Variants in ZNF589 observed in about 807,000 individuals in gnomAD.
The protein encoded by ZNF589 is zinc finger protein 589.
A neutral mutation model predicts 13.6 loss-of-function variants in ZNF589; 17 were observed. The observed-to-expected ratio is 1.25, with a 90% CI of 0.86 to 1.88. The LOEUF (loss-of-function observed/expected upper bound fraction) is 1.88, where lower values mean the gene tolerates loss of function less well. Ranked by LOEUF, ZNF589 falls within the 40% of genes most tolerant of loss-of-function variation. The pLI is 0.00. For missense variants in ZNF589, 407 were observed against 434.0 expected (o/e 0.94, Z 0.55); for synonymous variants, 148 against 161.6 (o/e 0.92, Z 0.64).
Position 48,267,942 on chromosome 3 carries a change from G to T in ZNF589, c.251G>T (p.Cys84Phe). 1 of 1,611,910 alleles carries T rather than the reference G, an allele frequency of 6.2e-7. No individual in the cohort carries two copies. The highest frequency in any genetic ancestry group is 8.5e-7 in the Non-Finnish European group (1 of 1,179,940). The change falls in exon 4 of 4, where the codon TGC (cysteine) becomes TTC (phenylalanine). Residue 84 changes from cysteine (C) to phenylalanine (F), a missense_variant. Physicochemically the swap from Cys to Phe is radical, Grantham distance 205. Transcript: ENST00000354698. ...GAATCAAAGCCAGAAGTCCATACCT[G>T]CCCTTCTTGCCCTCTGGCCTTTGGC... ...LAESKPEVHTCPSCPLAFGSQ... is the reference protein window; with the variant it reads ...LAESKPEVHTFPSCPLAFGSQ...
chr3:48,247,777 T>A, intron 2 of ZNF589, 100 bp downstream of exon 2: 3 of 1,354,666 alleles, frequency 2.2e-6, no homozygotes, highest in Non-Finnish European at 2.1e-6. Context: ...GATTAACATT[T>A]AAGTGGTTTA....
chr3:48,243,067 T>TAA (rs1316258685), intron 1 of ZNF589, among the ~76,000 whole-genome samples: 1 of 141,508 alleles, frequency 7.1e-6, no homozygotes, highest in African/African-American at 2.6e-5. Flanking sequence ...AATGAGACTC[T>TAA]AAAAAAAAAA....
Position 48,269,119 on chromosome 3 carries a change from G to C in ZNF589, c.*333G>C, listed in dbSNP as rs2034059840. 1 of 692,032 alleles carries C rather than the reference G, an allele frequency of 1.4e-6. No individual in the cohort carries two copies. Among genetic ancestry groups the C allele is most frequent in the Non-Finnish European group, 2.5e-6 (1 of 407,706 alleles). 42.9% of individuals were successfully genotyped at this position (692,032 alleles called of 1,614,324 possible). On this transcript the variant is annotated 3_prime_UTR_variant, in exon 4 of 4. Coordinates refer to ENST00000354698, the MANE Select transcript of ZNF589 (RefSeq NM_016089.3). ...GAGAGAAGCCTTACACGTGCTTTGAGTGTGGGCGAAACTTTAGCCTCAAGT... is the reference window on the plus strand; with the variant it reads ...GAGAGAAGCCTTACACGTGCTTTGACTGTGGGCGAAACTTTAGCCTCAAGT...
intron 2 of ZNF589, among the ~76,000 whole-genome samples, chr3:48,253,574 G>A (rs191328296): frequency 4.5e-4 from 65 of 145,888 alleles, no homozygotes; most frequent in Admixed American, 2.9e-3. Context: ...ATCTCGGCTC[G>A]CTGCAAGCTC....
chr3:48,264,771 G>A (rs1039888717), intron 3 of ZNF589, among the ~76,000 whole-genome samples: 23 of 151,810 alleles, frequency 1.5e-4, no homozygotes, highest in African/African-American at 2.2e-4. Flanking sequence ...AGAGGTTGCA[G>A]TGAGCCAGGA....
rs2034064375 is a variant in ZNF589, at chr3:48,269,399, ACTCTC to A, written c.*617_*621del. 2.0e-6 allele frequency: 1 copy of A among 490,370 alleles called. No individual in the cohort carries two copies. The highest frequency in any genetic ancestry group is 3.5e-6 in the Non-Finnish European group (1 of 282,098). 30.4% of individuals were successfully genotyped at this position (490,370 alleles called of 1,614,324 possible). A position where few individuals can be genotyped will look rare whatever the true frequency, so the allele number is the denominator to read the frequency against. ...TGGGCGAGGCTTTTGTGATAAATCAACTCTCCTCGCACACGAGCAGACACATTCAG... is the reference window on the plus strand; with the variant it reads ...TGGGCGAGGCTTTTGTGATAAATCAACTCGCACACGAGCAGACACATTCAG... On this transcript the variant is annotated 3_prime_UTR_variant, in exon 4 of 4. Transcript: ENST00000354698.
intron 1 of ZNF589, among the ~76,000 whole-genome samples, chr3:48,245,492 AC>A (rs1471317687): frequency 6.6e-6 from 1 of 152,036 alleles, no homozygotes; most frequent in Non-Finnish European, 1.5e-5. Flanking sequence ...TGCTGCTAAG[AC>A]CCTCGTCCCC....
rs570454588 is a variant in ZNF589, at chr3:48,268,684, G to A, written c.993G>A (p.Ser331=). 4.3e-6 allele frequency: 7 copies of A among 1,611,920 alleles called. No homozygotes were observed. Among genetic ancestry groups the A allele is most frequent in the African/African-American group, 4.0e-5 (3 of 74,226 alleles). Residue 331 remains serine, a synonymous_variant, in exon 4 of 4, where the codon TCG becomes TCA. Transcript: ENST00000354698. ...AGAGGACACACACAAGGGAGAAATC[G>A]TTTATGTGCACAGTGTGTGGGCGAG... The part of the protein sequence containing the change: ...RHQRTHTREK[S]FMCTVCGRGF...
In ZNF589 at chr3:48,244,213, G is replaced by C. The variant is rs1477361425; in HGVS notation, c.43+2999G>C. Among the ~76,000 whole-genome samples the C allele has an allele frequency of 5.3e-5, 8 of 152,138 alleles. No homozygotes were observed. The South Asian group carries it at 1.0e-3, about 20-fold the overall frequency. ...CCTCTGGAAGGGAGAGGCTTAGATG[G>C]TCTTTTTTGCTGAAAAGACTGAGGA... is the stretch of plus-strand genomic sequence containing the variant. On this transcript the variant is annotated intron_variant, in intron 1 of 3. Coordinates refer to ENST00000354698, the MANE Select transcript of ZNF589 (RefSeq NM_016089.3).
chr3:48,268,725 C>A lies in ZNF589; in HGVS notation c.1034C>A (p.Ser345Ter), dbSNP rs747686706. 6.2e-7 allele frequency: 1 copy of A among 1,614,156 alleles called. No homozygotes were observed. The highest frequency in any genetic ancestry group is 2.2e-5 in the East Asian group (1 of 44,888). ...TVCGRGFREK[S>*]ELIKHQRIHT... ...TGTGGGCGAGGCTTTCGTGAAAAGT[C>A]AGAGCTCATTAAGCACCAGAGAATT... is the stretch of plus-strand genomic sequence containing the variant. The change falls in exon 4 of 4, where the codon TCA (serine) becomes TAA (stop). Residue 345 changes from serine (S) to a stop codon, truncating the protein, a stop_gained. Coordinates refer to ENST00000354698, the MANE Select transcript of ZNF589 (RefSeq NM_016089.3). LOFTEE classifies it low-confidence loss of function (END_TRUNC).
Position 48,268,980 on chromosome 3 carries a change from C to A in ZNF589, c.*194C>A. On this transcript the variant is annotated 3_prime_UTR_variant, in exon 4 of 4. Coordinates refer to ENST00000354698, the MANE Select transcript of ZNF589 (RefSeq NM_016089.3). ...GGGCATGGATTTAGCCAGAAGTCGT[C>A]GCTCAAATCACATCGGAGAACACAC... 2.4e-6 allele frequency: 2 copies of A among 837,664 alleles called. No individual in the cohort carries two copies. The highest frequency in any genetic ancestry group is 2.5e-5 in the East Asian group (1 of 39,608). 51.9% of individuals were successfully genotyped at this position (837,664 alleles called of 1,614,324 possible).
intron 2 of ZNF589, chr3:48,256,542 G>C: frequency 1.5e-6 from 1 of 654,554 alleles, no homozygotes; most frequent in Non-Finnish European, 2.8e-6. Context: ...GGAAGCTGAG[G>C]CCTGTGATTT....
rs1339004892 is a variant in ZNF589, at chr3:48,268,930, G to T, written c.*144G>T. 3.3e-6 allele frequency: 4 copies of T among 1,201,084 alleles called. No individual in the cohort carries two copies. Among genetic ancestry groups the T allele is most frequent in the Admixed American group, 4.8e-5 (2 of 41,496 alleles). The allele number at this position is 1,201,084 out of a possible 1,614,324, so 74.4% of individuals were successfully genotyped here. On this transcript the variant is annotated 3_prime_UTR_variant, in exon 4 of 4. Transcript: ENST00000354698. ...TACACCAGTGGACACATTCAGAGGTGAAACCTCACGTGTGTGAGGAGTGTG... is the reference window on the plus strand; with the variant it reads ...TACACCAGTGGACACATTCAGAGGTTAAACCTCACGTGTGTGAGGAGTGTG...
chr3:48,263,681 C>A (rs543195826), intron 3 of ZNF589, among the ~76,000 whole-genome samples: 1 of 152,282 alleles, frequency 6.6e-6, no homozygotes, highest in South Asian at 2.1e-4. Flanking sequence ...ATCGCTTGAA[C>A]CCCGGAGGCG....
intron 1 of ZNF589, among the ~76,000 whole-genome samples, chr3:48,247,032 G>A (rs1182051054): frequency 2.6e-5 from 4 of 151,870 alleles, no homozygotes; most frequent in African/African-American, 4.8e-5. Flanking sequence ...GTGCAGTGGC[G>A]TGATCTCTGC....
At chr3:48,260,971 A>C in intron 3 of ZNF589, 32 bp downstream of exon 3, 1 of 1,612,724 alleles carries the variant, frequency 6.2e-7, no homozygotes. Flanking sequence ...TCATTTTTCC[A>C]TTCAAGTATT....
chr3:48,267,809 A>G, intron 3 of ZNF589, 106 bp from the exon 4 acceptor site: 2 of 1,202,040 alleles, frequency 1.7e-6, no homozygotes, highest in Non-Finnish European at 2.3e-6. Flanking sequence ...CTTGGGGAGA[A>G]AGACTTTAAT....
At position 48,241,105 on chromosome 3, in the gene ZNF589, C is replaced by T; in HGVS notation, c.-67C>T. 6.3e-7 allele frequency: 1 copy of T among 1,599,654 alleles called. No individual in the cohort carries two copies. Among genetic ancestry groups the T allele is most frequent in the East Asian group, 2.2e-5 (1 of 44,748 alleles). The stretch of plus-strand genomic sequence containing the variant: ...CTGGCGCCGCCAGTGGCCCGCGGTG[C>T]GCATTCTAATCCGTTTCACACACGG... On this transcript the variant is annotated 5_prime_UTR_variant, in exon 1 of 4. Transcript: ENST00000354698.
intron 2 of ZNF589, chr3:48,256,741 G>A (rs2033907357): frequency 6.2e-7 from 1 of 1,603,494 alleles, no homozygotes; most frequent in Non-Finnish European, 8.5e-7. Flanking sequence ...ACTGGCCAGA[G>A]GGGTTAGGAG....
Sources: gnomAD v4.1 joint callset for allele counts (sites outside exome capture counted in the v4.1 genomes callset) on GRCh38, gnomAD v4.1.1 for gene constraint, MANE v1.5 for transcripts, NCBI Gene and HGNC (gene_info 2026-07-23, HGNC 2026-07-21) for gene names.